Variants in PSMG2 observed in about 807,000 individuals in gnomAD.
The protein encoded by PSMG2 is proteasome assembly chaperone 2.
PSMG2 carries 21 observed loss-of-function variants against 31.5 expected under a neutral mutation model. That is an observed-to-expected ratio of 0.67 (90% confidence interval 0.47 to 0.96). The LOEUF is 0.96. Ranked by LOEUF, PSMG2 falls within the 40% of genes least tolerant of loss-of-function variation. PSMG2 has a pLI of 0.00. For synonymous variants in PSMG2, 120 were observed against 110.4 expected, an observed-to-expected ratio of 1.09 and a Z score of -0.54; for missense variants, 318 against 321.2, an observed-to-expected ratio of 0.99 and a Z score of 0.08.
chr18:12,718,808 C>G (rs1702530868), intron 4 of PSMG2, among the ~76,000 whole-genome samples, 173 bp downstream of exon 4: 4 of 152,154 alleles, frequency 2.6e-5, no homozygotes, highest in Admixed American at 1.3e-4. Flanking sequence ...TTAGGCAGAT[C>G]TTTTCAGTTC....
intron 1 of PSMG2, among the ~76,000 whole-genome samples, chr18:12,678,661 A>C (rs1009656158): frequency 2.0e-5 from 3 of 152,120 alleles, no homozygotes; most frequent in Non-Finnish European, 4.4e-5. Context: ...AACAGAATAC[A>C]TTCTATGTAT....
intron 1 of PSMG2, among the ~76,000 whole-genome samples, chr18:12,688,023 C>A (rs945678533): frequency 6.6e-6 from 1 of 151,832 alleles, no homozygotes; most frequent in African/African-American, 2.4e-5. Context: ...GTGGGTGGAT[C>A]ACGAGGTCAG....
chr18:12,718,646 G>T lies in PSMG2; in HGVS notation c.407+11G>T, dbSNP rs780684289. 5.5e-5 allele frequency: 86 copies of T among 1,570,384 alleles called. No homozygotes were observed. The highest frequency in any genetic ancestry group is 6.9e-5 in the Non-Finnish European group (80 of 1,153,036). ...TCTGCAGCTTCGTAGGTATGTTTCT[G>T]CCTCTGGAAAGTTATTTTTGGTATG... On this transcript the variant is annotated intron_variant, in intron 4 of 6. Coordinates refer to ENST00000317615, the MANE Select transcript of PSMG2 (RefSeq NM_020232.5).
chr18:12,706,317 T>C (rs1274235154), intron 1 of PSMG2, among the ~76,000 whole-genome samples: 3 of 152,110 alleles, frequency 2.0e-5, no homozygotes, highest in Non-Finnish European at 4.4e-5. Context: ...TGAAACTCCG[T>C]CTCTACTAAA....
chr18:12,724,434 G>A lies in PSMG2; in HGVS notation c.582-65G>A, dbSNP rs1188596445. 3 of 1,424,076 alleles carry A rather than the reference G, an allele frequency of 2.1e-6. No individual in the cohort carries two copies. The African/African-American group carries it at 4.4e-5, about 21-fold the overall frequency. The allele number at this position is 1,424,076 out of a possible 1,614,324, so 88.2% of individuals were successfully genotyped here. A position where few individuals can be genotyped will look rare whatever the true frequency, so the allele number is the denominator to read the frequency against. On this transcript the variant is annotated intron_variant, in intron 5 of 6. Coordinates refer to ENST00000317615, the MANE Select transcript of PSMG2 (RefSeq NM_020232.5). ...GTAGGTTATCGTAGCTGTAAAAACA[G>A]ACACACTAGAGTCAGCTCTTGTACC...
upstream of PSMG2, chr18:12,699,922 A>G: frequency 6.6e-7 from 1 of 1,510,184 alleles, no homozygotes; most frequent in Admixed American, 2.0e-5. Flanking sequence ...AGGCAGGAAA[A>G]AAAAATCAAA....
rs202177640 is a variant in PSMG2, at chr18:12,719,361, GA to G, written c.407+728del. ...CATAAAGTTGATAACATATCATATA[GA>G]ATACTCTTATACTCTAAGATGTAGC... On this transcript the variant is annotated intron_variant, in intron 4 of 6. Transcript: ENST00000317615. Among the ~76,000 whole-genome samples, 170 of 152,218 alleles carry G rather than the reference GA, an allele frequency of 1.1e-3. 1 individual carries two copies. The highest frequency in any genetic ancestry group is 7.2e-3 in the East Asian group (37 of 5,174).
rs759355365 is a variant in PSMG2 at position 12,695,387 on chromosome 18, A to G, written c.-36-11163A>G. 4.9e-6 allele frequency: 5 copies of G among 1,020,694 alleles called. No homozygotes were observed. In the Admixed American group the frequency reaches 1.2e-4, roughly 25 times the overall value. The allele number at this position is 1,020,694 out of a possible 1,614,324, so 63.2% of individuals were successfully genotyped here. On this transcript the variant is annotated intron_variant, in intron 1 of 6. Transcript: ENST00000585331. ...AAATATTTTGAACTTCAGAGATTTCAATACTATATATATTTAGTCAACCAA... is the reference window on the plus strand; with the variant it reads ...AAATATTTTGAACTTCAGAGATTTCGATACTATATATATTTAGTCAACCAA...
chr18:12,705,576 A>AGAGT (rs1465866538), intron 1 of PSMG2, among the ~76,000 whole-genome samples: 2,157 of 129,740 alleles, frequency 0.017, 83 homozygotes, highest in East Asian at 0.16. Flanking sequence ...AGAGAGAGAG[A>AGAGT]GTGTGTGTGT....
intron 2 of PSMG2, among the ~76,000 whole-genome samples, chr18:12,711,595 A>G (rs1250162551): frequency 6.6e-6 from 1 of 152,062 alleles, no homozygotes; most frequent in Non-Finnish European, 1.5e-5. Flanking sequence ...CATAGGAGAC[A>G]ATTTCCGAAA....
At chr18:12,681,258 T>A (rs2039341160) in intron 1 of PSMG2, among the ~76,000 whole-genome samples, 2 of 65,492 alleles carry the variant, frequency 3.1e-5, no homozygotes, top group Admixed American at 2.7e-4. Flanking sequence ...AGTAGAACAT[T>A]TTTTTTTTTT....
chr18:12,712,799 G>A (rs2040343495), intron 3 of PSMG2, 39 bp downstream of exon 3: 1 of 1,477,282 alleles, frequency 6.8e-7, no homozygotes, highest in Non-Finnish European at 9.4e-7. Context: ...TTATTAAAGT[G>A]TAATGAGAAA....
chr18:12,689,801 T>C (rs996027138), intron 1 of PSMG2, among the ~76,000 whole-genome samples: 1 of 152,130 alleles, frequency 6.6e-6, no homozygotes, highest in African/African-American at 2.4e-5. Context: ...GTCGTTGTTA[T>C]TGTTTTGAGA....
rs749657301 is a variant in PSMG2 at position 12,718,634 on chromosome 18, A to G, written c.406A>G (p.Ser136Gly). 6.3e-7 allele frequency: 1 copy of G among 1,592,694 alleles called. No individual in the cohort carries two copies. Residue 136 changes from serine (S) to glycine (G), a missense_variant and splice_region_variant, in exon 4 of 7, where the codon AGT (serine) becomes GGT (glycine). Ser to Gly is a moderately conservative substitution (Grantham distance 56). Transcript: ENST00000317615. ...SYQRNDLQLRSTPFRYLLTPS... is the reference protein window; with the variant it reads ...SYQRNDLQLRGTPFRYLLTPS... Reference sequence around the variant, plus strand: ...TCAGCGTAATGATCTGCAGCTTCGTAGGTATGTTTCTGCCTCTGGAAAGTT... The same window carrying G: ...TCAGCGTAATGATCTGCAGCTTCGTGGGTATGTTTCTGCCTCTGGAAAGTT...
At chr18:12,697,423 C>A in intron 1 of PSMG2, 1 of 1,572,032 alleles carries the variant, frequency 6.4e-7, no homozygotes. Flanking sequence ...CAATATAATC[C>A]AAACGAAATT....
intron 1 of PSMG2, among the ~76,000 whole-genome samples, chr18:12,684,134 CCTTT>C (rs1243315177): frequency 6.6e-6 from 1 of 151,716 alleles, no homozygotes; most frequent in Non-Finnish European, 1.5e-5. Flanking sequence ...AAGTGATTCT[CCTTT>C]TTTTGTGTTT....
intron 1 of PSMG2, among the ~76,000 whole-genome samples, chr18:12,706,226 T>C (rs1452619899): frequency 3.3e-5 from 5 of 152,240 alleles, no homozygotes; most frequent in Admixed American, 2.0e-4. Context: ...CCCAGCACTT[T>C]GGGAGGCTGA....
upstream of PSMG2, among the ~76,000 whole-genome samples, chr18:12,700,662 G>A (rs555378363): frequency 6.6e-6 from 1 of 152,088 alleles, no homozygotes; most frequent in Non-Finnish European, 1.5e-5. Flanking sequence ...TTGTTATGGT[G>A]AACTAATTGG....
At chr18:12,725,323 C>A in intron 6 of PSMG2, 116 bp from the exon 7 acceptor site, 1 of 712,152 alleles carries the variant, frequency 1.4e-6, no homozygotes, top group Non-Finnish European at 2.2e-6. Flanking sequence ...AACAATAAAA[C>A]CTGGCTATAA....
Sources: allele counts gnomAD v4.1 joint callset (sites outside exome capture counted in the v4.1 genomes callset), GRCh38; gene constraint gnomAD v4.1.1; transcripts MANE v1.5; gene names NCBI Gene and HGNC (gene_info 2026-07-23, HGNC 2026-07-21).